FBXL7: variants seen among roughly 807,000 people sequenced by gnomAD.
FBXL7 encodes the protein F-box and leucine rich repeat protein 7.
In FBXL7, 12 loss-of-function variants were observed where a neutral mutation model predicts 38.3. The observed-to-expected ratio is 0.31, with a 90% confidence interval of 0.20 to 0.51. The LOEUF (loss-of-function observed/expected upper bound fraction) is 0.51. FBXL7 is among the 20% of genes least tolerant of loss of function. FBXL7 has a pLI of 0.98. For missense variants in FBXL7, 567 were observed against 676.4 expected (o/e 0.84, Z 1.79); for synonymous variants, 297 against 300.9 (o/e 0.99, Z 0.13).
At chr5:15,887,412 C>A (rs1228492801) in intron 2 of FBXL7, among the ~76,000 whole-genome samples, 4 of 152,080 alleles carry the variant, frequency 2.6e-5, no homozygotes, top group Non-Finnish European at 5.9e-5. Flanking sequence ...ATTTAAATCC[C>A]AAATTGAATT....
intron 1 of FBXL7, among the ~76,000 whole-genome samples, chr5:15,508,037 C>A (rs1736693713): frequency 6.6e-6 from 1 of 152,076 alleles, no homozygotes; most frequent in African/African-American, 2.4e-5. Flanking sequence ...GAGCAAGAAT[C>A]CATCTCAAAA....
At chr5:15,541,414 A>G (rs1737740957) in intron 1 of FBXL7, among the ~76,000 whole-genome samples, 4 of 135,000 alleles carry the variant, frequency 3.0e-5, no homozygotes, top group Non-Finnish European at 4.7e-5. Context: ...ATGTGTATAT[A>G]TATACATATA....
At chr5:15,817,485 A>T (rs1016234297) in intron 2 of FBXL7, among the ~76,000 whole-genome samples, 8 of 152,166 alleles carry the variant, frequency 5.3e-5, no homozygotes, top group African/African-American at 1.4e-4. Context: ...CTGACAGAGT[A>T]ATCTGAGAAA....
chr5:15,707,947 T>TTACCTTTATTTTCTATCCCATC (rs1743743612), intron 2 of FBXL7, among the ~76,000 whole-genome samples: 1 of 152,190 alleles, frequency 6.6e-6, no homozygotes, highest in African/African-American at 2.4e-5. Context: ...CTTCTCCCAT[T>TTACCTTTATTTTCTATCCCATC]TACCTTTATT....
At chr5:15,881,001 T>A (rs2126331481) in intron 2 of FBXL7, among the ~76,000 whole-genome samples, 1 of 152,128 alleles carries the variant, frequency 6.6e-6, no homozygotes, top group Non-Finnish European at 1.5e-5. Flanking sequence ...CCAAGCTATC[T>A]GATTCCAGAA....
At chr5:15,847,995 C>T (rs957353212) in intron 2 of FBXL7, among the ~76,000 whole-genome samples, 3 of 152,176 alleles carry the variant, frequency 2.0e-5, no homozygotes, top group Non-Finnish European at 4.4e-5. Flanking sequence ...TGATTGCAGT[C>T]TTGTGAGGCC....
At chr5:15,523,294 C>T (rs1360978347) in intron 1 of FBXL7, among the ~76,000 whole-genome samples, 2 of 152,102 alleles carry the variant, frequency 1.3e-5, no homozygotes, top group Non-Finnish European at 2.9e-5. Context: ...TGCGGTGGCT[C>T]ACGGCTGTAA....
intron 2 of FBXL7, among the ~76,000 whole-genome samples, chr5:15,617,517 C>T (rs1443990313): frequency 1.3e-5 from 2 of 151,712 alleles, no homozygotes; most frequent in Non-Finnish European, 2.9e-5. Flanking sequence ...GGTGGAGTGC[C>T]GTGGCACGAT....
chr5:15,581,368 C>A (rs1342626111), intron 1 of FBXL7, among the ~76,000 whole-genome samples: 4 of 152,088 alleles, frequency 2.6e-5, no homozygotes, highest in Admixed American at 2.6e-4. Flanking sequence ...TCCATCTCCC[C>A]ACCCCTCACC....
At chr5:15,632,581 C>T (rs962711996) in intron 2 of FBXL7, among the ~76,000 whole-genome samples, 5 of 152,160 alleles carry the variant, frequency 3.3e-5, no homozygotes, top group Admixed American at 6.5e-5. Flanking sequence ...ATGTACATCA[C>T]AGCACTATTC....
At chr5:15,878,468 C>T (rs1740305182) in intron 2 of FBXL7, among the ~76,000 whole-genome samples, 1 of 152,076 alleles carries the variant, frequency 6.6e-6, no homozygotes, top group African/African-American at 2.4e-5. Context: ...TGTGGGCTCT[C>T]GATTTAATCT....
In FBXL7 at chr5:15,936,895, G is replaced by A. The variant is rs1396565216; in HGVS notation, c.1185G>A (p.Glu395=). ...GCEGITDHGV[E]YLAKNCTKLK... Reference sequence around the variant, plus strand: ...AGGGCATCACGGACCACGGTGTGGAGTACCTCGCCAAGAACTGCACCAAAC... The same window carrying A: ...AGGGCATCACGGACCACGGTGTGGAATACCTCGCCAAGAACTGCACCAAAC... Residue 395 remains glutamate (E), a synonymous_variant, in exon 4 of 4, where the codon GAG becomes GAA. Coordinates refer to ENST00000504595, the MANE Select transcript of FBXL7 (RefSeq NM_012304.5). The surrounding 1 kb of genome is among the most constrained non-coding windows in gnomAD (Gnocchi z 6.0). The A allele has an allele frequency of 1.9e-6, 3 of 1,613,934 alleles. No individual in the cohort carries two copies. Among genetic ancestry groups the A allele is most frequent in the Non-Finnish European group, 1.7e-6 (2 of 1,179,890 alleles).
chr5:15,745,551 G>GTA (rs1369231333), intron 2 of FBXL7, among the ~76,000 whole-genome samples: 9 of 152,194 alleles, frequency 5.9e-5, no homozygotes, highest in Non-Finnish European at 1.0e-4. Flanking sequence ...TGATTAAGGA[G>GTA]GTGACTCAGG....
intron 2 of FBXL7, among the ~76,000 whole-genome samples, chr5:15,904,029 ATACCTTACAATAGTTACTACATT>A (rs1741296750): frequency 6.6e-6 from 1 of 152,188 alleles, no homozygotes; most frequent in African/African-American, 2.4e-5. Context: ...CACTGTTAGT[ATACCTTACAATAGTTACTACATT>A]TTGAGGCATA....
At chr5:15,832,202 C>T (rs1738476179) in intron 2 of FBXL7, among the ~76,000 whole-genome samples, 1 of 152,148 alleles carries the variant, frequency 6.6e-6, no homozygotes, top group Admixed American at 6.5e-5. Context: ...ATCACCCTTT[C>T]CCTGAGGGCA....
intron 2 of FBXL7, among the ~76,000 whole-genome samples, chr5:15,672,801 C>T (rs547779000): frequency 1.2e-4 from 18 of 152,124 alleles, no homozygotes; most frequent in South Asian, 2.1e-4. Context: ...GTGATCCTCC[C>T]GCCTTGGCCT....
chr5:15,849,079 G>A (rs992548054), intron 2 of FBXL7, among the ~76,000 whole-genome samples: 1 of 152,180 alleles, frequency 6.6e-6, no homozygotes, highest in African/African-American at 2.4e-5. Context: ...CTGATACATG[G>A]TCTGTGCAGG....
At chr5:15,560,556 C>T (rs922955159) in intron 1 of FBXL7, among the ~76,000 whole-genome samples, 8 of 152,064 alleles carry the variant, frequency 5.3e-5, no homozygotes, top group East Asian at 1.9e-4. Flanking sequence ...TGCAACTTCC[C>T]GACCAGATAA....
chr5:15,610,624 G>C (rs1368570129), intron 1 of FBXL7, among the ~76,000 whole-genome samples: 1 of 152,088 alleles, frequency 6.6e-6, no homozygotes, highest in African/African-American at 2.4e-5. Flanking sequence ...ACTCAACAAG[G>C]AGATGGTTAT....
Sources: allele counts gnomAD v4.1 joint callset (sites outside exome capture counted in the v4.1 genomes callset), GRCh38; gene constraint gnomAD v4.1.1; non-coding constraint Gnocchi (gnomAD v3.1); transcripts MANE v1.5; gene names NCBI Gene and HGNC (gene_info 2026-07-23, HGNC 2026-07-21).